Variants in ARHGEF10L observed in about 807,000 individuals in gnomAD.
The protein encoded by ARHGEF10L is Rho guanine nucleotide exchange factor 10 like.
ARHGEF10L carries 69 observed loss-of-function variants against 141.2 expected under a neutral mutation model. The observed-to-expected ratio is 0.49, with a 90% CI of 0.40 to 0.60. The LOEUF is 0.60. Among genes scored for constraint, ARHGEF10L ranks in the 20% least tolerant of loss-of-function variants. The pLI is 0.00. For missense variants in ARHGEF10L, 1,482 were observed against 1,734.3 expected (o/e 0.85, Z 2.58); for synonymous variants, 711 against 718.5 (o/e 0.99, Z 0.17).
the ARHGEF10L span, among the ~76,000 whole-genome samples, chr1:17,528,019 C>A: frequency 6.6e-6 from 1 of 151,898 alleles, no homozygotes; most frequent in African/African-American, 2.4e-5. Flanking sequence ...CAGGCATGAG[C>A]CACCATACCT....
At chr1:17,567,913 C>T (rs949249913) in intron 1 of ARHGEF10L, among the ~76,000 whole-genome samples, 1 of 152,224 alleles carries the variant, frequency 6.6e-6, no homozygotes, top group Non-Finnish European at 1.5e-5. Flanking sequence ...GGATCCTCCC[C>T]CTTCCTGTCC....
chr1:17,558,886 G>C lies in ARHGEF10L; in HGVS notation c.-44+18936G>C, dbSNP rs72643601. Among the ~76,000 whole-genome samples, 15,777 of 152,210 alleles carry C rather than the reference G, an allele frequency of 0.1. 962 individuals carry two copies. The highest frequency in any genetic ancestry group is 0.18 in the Middle Eastern group (52 of 294). The stretch of plus-strand genomic sequence containing the variant: ...CCTGGGCTGGGCAGGGAGAATGGTG[G>C]GGAGGGCTGAGGGGCCCTTCCCCAG... On this transcript the variant is annotated intron_variant, in intron 1 of 28. Coordinates refer to ENST00000361221, the MANE Select transcript of ARHGEF10L (RefSeq NM_018125.4). The surrounding 1 kb of genome is among the most constrained non-coding windows in gnomAD (Gnocchi z 4.2).
At chr1:17,688,676 C>T (rs577783823) in intron 27 of ARHGEF10L, among the ~76,000 whole-genome samples, 2 of 152,292 alleles carry the variant, frequency 1.3e-5, no homozygotes, top group Admixed American at 6.5e-5. Context: ...CAGGACCTGG[C>T]AGATGGGCCA....
Position 17,623,275 on chromosome 1 carries a change from C to A in ARHGEF10L, c.1200+100C>A. On this transcript the variant is annotated intron_variant, in intron 12 of 28. Transcript: ENST00000361221. This position sits in a 1 kb window ranked among gnomAD's most constrained non-coding sequence, Gnocchi z 4.7. ...CCAGCCTCCTGCCTCTGCCTGCTTG[C>A]CTTGTTCAAGTCAGTGGGATTAGAG... is the stretch of plus-strand genomic sequence containing the variant. 1 of 1,419,464 alleles carries A rather than the reference C, an allele frequency of 7.0e-7. No individual in the cohort carries two copies. Among genetic ancestry groups the A allele is most frequent in the Non-Finnish European group, 9.6e-7 (1 of 1,041,870 alleles). The allele number at this position is 1,419,464 out of a possible 1,614,324, so 87.9% of individuals were successfully genotyped here. A position where few individuals can be genotyped will look rare whatever the true frequency, so the allele number is the denominator to read the frequency against.
intron 22 of ARHGEF10L, among the ~76,000 whole-genome samples, chr1:17,650,824 G>T (rs531923696): frequency 1.3e-5 from 2 of 152,208 alleles, no homozygotes; most frequent in Admixed American, 6.5e-5. Flanking sequence ...CTTGATGTGG[G>T]CGGAGGCCAG....
intron 1 of ARHGEF10L, among the ~76,000 whole-genome samples, chr1:17,553,151 C>T (rs74697669): frequency 0.014 from 2,172 of 152,334 alleles, 30 homozygotes; most frequent in Non-Finnish European, 0.022. Flanking sequence ...CTGCTCCTTT[C>T]ACTCCTCCAG....
At position 17,627,042 on chromosome 1, in the gene ARHGEF10L, G is replaced by A. The variant is rs149788605; in HGVS notation, c.1411-288G>A. ...GACATTTTTGCCTCCACATTTTGGC[G>A]ACTGTGGCTAATGCTGCTATGAACA... On this transcript the variant is annotated intron_variant, in intron 14 of 28. Coordinates refer to ENST00000361221, the MANE Select transcript of ARHGEF10L (RefSeq NM_018125.4). This position sits in a 1 kb window ranked among gnomAD's most constrained non-coding sequence, Gnocchi z 4.0. Among the ~76,000 whole-genome samples, 16 of 152,370 alleles carry A rather than the reference G, an allele frequency of 1.1e-4. No individual in the cohort carries two copies. The highest frequency in any genetic ancestry group is 3.9e-4 in the Admixed American group (6 of 15,310).
At chr1:17,618,189 C>T (rs1300676039) in intron 9 of ARHGEF10L, 3 of 783,094 alleles carry the variant, frequency 3.8e-6, no homozygotes, top group Non-Finnish European at 1.9e-6. Flanking sequence ...CGTGGCCAGG[C>T]CAGCTGGCTG....
chr1:17,525,902 C>CACTT, the ARHGEF10L span, among the ~76,000 whole-genome samples: 1 of 148,178 alleles, frequency 6.7e-6, no homozygotes, highest in Non-Finnish European at 1.5e-5. Context: ...CTTGGGAAGC[C>CACTT]GAGATGGAAG....
chr1:17,674,535 A>G (rs570021563), intron 26 of ARHGEF10L, among the ~76,000 whole-genome samples: 1 of 152,248 alleles, frequency 6.6e-6, no homozygotes, highest in African/African-American at 2.4e-5. Context: ...GGAACCCAGG[A>G]GGGGAGCGAG....
At chr1:17,658,936 C>T (rs1028916159) in intron 25 of ARHGEF10L, among the ~76,000 whole-genome samples, 1 of 152,086 alleles carries the variant, frequency 6.6e-6, no homozygotes, top group Non-Finnish European at 1.5e-5. Context: ...GAACAGTATA[C>T]GCAAAGGCCC....
chr1:17,641,623 AAAAACAAAAC>A (rs553765262), intron 21 of ARHGEF10L, among the ~76,000 whole-genome samples: 4 of 152,034 alleles, frequency 2.6e-5, no homozygotes, highest in African/African-American at 7.2e-5. Flanking sequence ...ACTCCATCTC[AAAAACAAAAC>A]AAAACAAAAC....
At chr1:17,649,773 T>A (rs142896653) in intron 22 of ARHGEF10L, among the ~76,000 whole-genome samples, 227 of 152,232 alleles carry the variant, frequency 1.5e-3, no homozygotes, top group African/African-American at 5.3e-3. Flanking sequence ...AGAGATGGCC[T>A]CTTGGAGGAG....
At chr1:17,549,972 C>T (rs1462622016) in intron 1 of ARHGEF10L, among the ~76,000 whole-genome samples, 1 of 152,154 alleles carries the variant, frequency 6.6e-6, no homozygotes, top group East Asian at 1.9e-4. Flanking sequence ...GGGTCAAGGG[C>T]AGGGAGGGAC....
chr1:17,620,743 G>C (rs2060063359), intron 10 of ARHGEF10L, among the ~76,000 whole-genome samples: 1 of 152,154 alleles, frequency 6.6e-6, no homozygotes, highest in Non-Finnish European at 1.5e-5. Context: ...TAGGGGGTCA[G>C]TCACCTCCCA....
At chr1:17,678,933 C>T (rs2063898795) in intron 26 of ARHGEF10L, among the ~76,000 whole-genome samples, 1 of 152,220 alleles carries the variant, frequency 6.6e-6, no homozygotes, top group Non-Finnish European at 1.5e-5. Flanking sequence ...TTATAGACCT[C>T]TTGGAAATGC....
At chr1:17,545,917 T>C (rs1399228285) in intron 1 of ARHGEF10L, among the ~76,000 whole-genome samples, 1 of 152,198 alleles carries the variant, frequency 6.6e-6, no homozygotes, top group African/African-American at 2.4e-5. Context: ...AATGTGTGTT[T>C]TCTCCACCCA....
At chr1:17,690,989 C>A in intron 27 of ARHGEF10L, 1 of 321,878 alleles carries the variant, frequency 3.1e-6, no homozygotes, top group Non-Finnish European at 6.1e-6. Flanking sequence ...TGTTCCTACA[C>A]TAAGTGTGGA....
intron 13 of ARHGEF10L, 111 bp downstream of exon 13, chr1:17,624,614 G>A: frequency 1.2e-6 from 1 of 832,314 alleles, no homozygotes; most frequent in East Asian, 2.6e-5. Flanking sequence ...CTTTGGCCTG[G>A]ACAGCTCCCC....
Sources: allele counts gnomAD v4.1 joint callset (sites outside exome capture counted in the v4.1 genomes callset), GRCh38; gene constraint gnomAD v4.1.1; non-coding constraint Gnocchi (gnomAD v3.1); transcripts MANE v1.5; gene names NCBI Gene and HGNC (gene_info 2026-07-23, HGNC 2026-07-21).